The following SYP variants were observed in gnomAD, a reference collection of about 807,000 sequenced individuals.
The protein encoded by SYP is synaptophysin.
A neutral mutation model predicts 24.3 loss-of-function variants in SYP; 2 were observed. The ratio of observed to expected loss-of-function variants is 0.08; its 90% confidence interval spans 0.03 to 0.26. The LOEUF is 0.26. Ranked by LOEUF, SYP falls within the 10% of genes least tolerant of loss-of-function variation. SYP has a pLI of 1.00. For synonymous variants in SYP, 143 were observed against 123.2 expected, an observed-to-expected ratio of 1.16 and a Z score of -1.07; for missense variants, 216 against 266.3, an observed-to-expected ratio of 0.81 and a Z score of 1.32.
At chrX:49,194,065 T>C (rs2065519931) in intron 4 of SYP, 101 bp downstream of exon 4, 1 of 982,542 alleles carries the variant, frequency 1.0e-6, no homozygotes, top group East Asian at 3.1e-5. Flanking sequence ...GCTGTTTGCA[T>C]GTGGGCCTGT....
At position 49,189,177 on chromosome X, in the gene SYP, G is replaced by T. The variant is rs2065497794; in HGVS notation, c.*110C>A. On this transcript the variant is annotated 3_prime_UTR_variant, in exon 7 of 7. Coordinates refer to ENST00000263233, the MANE Select transcript of SYP (RefSeq NM_003179.3). ...TATATATATATAAACAGCAAAGACA[G>T]GGTCTCCTGGCTTGAGGGGTGGAGA... 9.2e-6 allele frequency: 1 copy of T among 108,283 alleles called. No individual in the cohort carries two copies. Among genetic ancestry groups the T allele is most frequent in the Non-Finnish European group, 1.9e-5 (1 of 52,311 alleles). The allele number at this position is 108,283 out of a possible 1,213,427, so 8.9% of individuals were successfully genotyped here.
chrX:49,190,918 C>A, intron 6 of SYP: 1 of 130,430 alleles, frequency 7.7e-6, no homozygotes, highest in South Asian at 1.9e-4. Flanking sequence ...TACTTCCCTC[C>A]CCTCCAGCGT....
chrX:49,199,171 G>A lies in SYP; in HGVS notation c.37-138C>T, dbSNP rs1569527011. 6.6e-6 allele frequency: 4 copies of A among 606,160 alleles called. No individual in the cohort carries two copies. In the East Asian group the frequency reaches 1.1e-4, roughly 16 times the overall value. 50.0% of individuals were successfully genotyped at this position (606,160 alleles called of 1,213,427 possible). A position where few individuals can be genotyped will look rare whatever the true frequency, so the allele number is the denominator to read the frequency against. On this transcript the variant is annotated intron_variant, in intron 1 of 6. Transcript: ENST00000263233. The stretch of plus-strand genomic sequence containing the variant: ...GGTGAGAAGGAGAAAGTGACACCTT[G>A]GGGATGGTGTGAGCCCCAGGGTCCA...
At chrX:49,197,889 GA>G in intron 2 of SYP, 50 bp from the exon 3 acceptor site, 1 of 1,203,888 alleles carries the variant, frequency 8.3e-7, no homozygotes, top group Non-Finnish European at 1.1e-6. Flanking sequence ...GTGCATGTGG[GA>G]GGGAGGTGCC....
At chrX:49,199,334 G>A (rs2065541210) in intron 1 of SYP, 1 of 349,577 alleles carries the variant, frequency 2.9e-6, no homozygotes, top group Admixed American at 4.5e-5. Flanking sequence ...GATGGGGAAG[G>A]GGTTCGGGTA....
chrX:49,194,069 G>T, intron 4 of SYP, 97 bp downstream of exon 4: 2 of 1,010,712 alleles, frequency 2.0e-6, no homozygotes, highest in Non-Finnish European at 2.8e-6. Context: ...TTTGCATGTG[G>T]GCCTGTCTGG....
chrX:49,198,817 C>T, intron 2 of SYP, 151 bp downstream of exon 2: 1 of 653,826 alleles, frequency 1.5e-6, no homozygotes, highest in Non-Finnish European at 2.4e-6. Context: ...CTTCAGACCC[C>T]TGAAACCTCA....
At position 49,194,062 on chromosome X, in the gene SYP, G is replaced by A. The variant is rs1316857348; in HGVS notation, c.423+104C>T. 4.2e-6 allele frequency: 4 copies of A among 950,447 alleles called. No homozygotes were observed. In the African/African-American group the frequency reaches 5.8e-5, roughly 14 times the overall value. 78.3% of individuals were successfully genotyped at this position (950,447 alleles called of 1,213,427 possible). A position where few individuals can be genotyped will look rare whatever the true frequency, so the allele number is the denominator to read the frequency against. On this transcript the variant is annotated intron_variant, in intron 4 of 6. Transcript: ENST00000263233. ...TGTGTGGCTGTTATGGTGGCTGTTT[G>A]CATGTGGGCCTGTCTGGGATTTGGT...
rs1369156546 is a variant in SYP, at chrX:49,194,493, T to C, written c.228-132A>G. 1.2e-5 allele frequency: 7 copies of C among 585,502 alleles called. No individual in the cohort carries two copies. The Admixed American group carries it at 1.3e-4, about 11-fold the overall frequency. 48.3% of individuals were successfully genotyped at this position (585,502 alleles called of 1,213,427 possible). A position where few individuals can be genotyped will look rare whatever the true frequency, so the allele number is the denominator to read the frequency against. ...AAATAACCATTCATCGAGCACCTACTATGTACCAGTCACATTTCACTGATT... is the reference window on the plus strand; with the variant it reads ...AAATAACCATTCATCGAGCACCTACCATGTACCAGTCACATTTCACTGATT... On this transcript the variant is annotated intron_variant, in intron 3 of 6. Transcript: ENST00000263233.
chrX:49,194,837 T>C (rs782510744), intron 3 of SYP, among the ~76,000 whole-genome samples: 1 of 108,591 alleles, frequency 9.2e-6, no homozygotes, highest in South Asian at 4.1e-4. Flanking sequence ...GCCTCCTGAG[T>C]AGCTGGGATT....
chrX:49,194,518 T>A (rs2065521670), intron 3 of SYP, among the ~76,000 whole-genome samples, 157 bp from the exon 4 acceptor site: 1 of 110,700 alleles, frequency 9.0e-6, no homozygotes, highest in Admixed American at 9.6e-5. Context: ...TTTCACTGAT[T>A]GCTCAAAACA....
At chrX:49,198,577 T>C (rs1395632646) in intron 2 of SYP, 7 of 175,828 alleles carry the variant, frequency 4.0e-5, no homozygotes, top group Non-Finnish European at 6.4e-5. Flanking sequence ...CTTTTTTTTT[T>C]CTCAGTATTT....
intron 5 of SYP, among the ~76,000 whole-genome samples, chrX:49,192,619 A>G (rs2065514245): frequency 8.9e-6 from 1 of 112,306 alleles, no homozygotes; most frequent in Non-Finnish European, 1.9e-5. Context: ...TACTATCTCC[A>G]TTTTACAGTT....
chrX:49,199,361 T>G (rs1467994287), intron 1 of SYP: 31 of 91,354 alleles, frequency 3.4e-4, no homozygotes, highest in Middle Eastern at 3.0e-3. Flanking sequence ...GGGGATGGAG[T>G]GGGGTGCATT....
At chrX:49,191,841 G>A in intron 5 of SYP, 78 bp from the exon 6 acceptor site, 1 of 1,053,786 alleles carries the variant, frequency 9.5e-7, no homozygotes, top group Non-Finnish European at 1.3e-6. Context: ...AGCATGCGGG[G>A]AATGAATCCG....
chrX:49,197,676 C>T (rs1557103481), intron 3 of SYP, 39 bp downstream of exon 3: 3 of 1,199,875 alleles, frequency 2.5e-6, no homozygotes, highest in Admixed American at 2.2e-5. Flanking sequence ...CTGCCCCTTC[C>T]TCTCCCAGGT....
In SYP at chrX:49,191,633, G is replaced by A. The variant is rs2065509490; in HGVS notation, c.746C>T (p.Ala249Val). 5 of 1,207,387 alleles carry A rather than the reference G, an allele frequency of 4.1e-6. No individual in the cohort carries two copies. The East Asian group carries it at 8.9e-5, about 21-fold the overall frequency. The change falls in exon 6 of 7, where the codon GCC becomes GTC. Residue 249 changes from alanine to valine, a missense_variant. Physicochemically the swap from Ala to Val is moderately conservative, Grantham distance 64. Coordinates refer to ENST00000263233, the MANE Select transcript of SYP (RefSeq NM_003179.3). ...CTGCCCGTAGCCTGCATCGCCGTAGGCGTCCCCGGGTGCCGGTTGTTTCTC... is the reference window on the plus strand; with the variant it reads ...CTGCCCGTAGCCTGCATCGCCGTAGACGTCCCCGGGTGCCGGTTGTTTCTC... ...APEKQPAPGD[A>V]YGDAGYGQGP...
At chrX:49,199,474 C>T (rs1015304667) in intron 1 of SYP, among the ~76,000 whole-genome samples, 14 of 96,753 alleles carry the variant, frequency 1.4e-4, no homozygotes, top group Non-Finnish European at 2.9e-4. Flanking sequence ...TGTTAGACGG[C>T]GGTGGCGGTA....
chrX:49,193,398 C>T lies in SYP; in HGVS notation c.489G>A (p.Gly163=), dbSNP rs782036829. The T allele has an allele frequency of 1.6e-5, 19 of 1,212,339 alleles. No homozygotes were observed. Among genetic ancestry groups the T allele is most frequent in the Non-Finnish European group, 2.1e-5 (19 of 895,573 alleles). Residue 163 remains glycine, a synonymous_variant, in exon 5 of 7, where the codon GGG becomes GGA. Coordinates refer to ENST00000263233, the MANE Select transcript of SYP (RefSeq NM_003179.3). ...CTGTGGCCATCTTCACATCTGACAG[C>T]CCCTTGGCCCATGCCGATGAGCTAA... The part of the protein sequence containing the change: ...WLVSSSAWAK[G]LSDVKMATDP...
Sources: allele counts gnomAD v4.1 joint callset (sites outside exome capture counted in the v4.1 genomes callset), GRCh38; gene constraint gnomAD v4.1.1; transcripts MANE v1.5; gene names NCBI Gene and HGNC (gene_info 2026-07-23, HGNC 2026-07-21).